The following ARL13B variants were observed in gnomAD, a reference collection of about 807,000 sequenced individuals.
ARL13B encodes ADP-ribosylation factor-like protein 13B.
A neutral mutation model predicts 56.1 loss-of-function variants in ARL13B; 36 were observed. The ratio of observed to expected loss-of-function variants is 0.64; its 90% CI spans 0.49 to 0.85. The LOEUF (loss-of-function observed/expected upper bound fraction) is 0.85, where lower values mean the gene tolerates loss of function less well. ARL13B is among the 40% of genes least tolerant of loss of function. The pLI, the probability that ARL13B is intolerant of heterozygous loss-of-function variation, is 0.00. For missense variants in ARL13B, 519 were observed against 507.1 expected (o/e 1.02, Z -0.23); for synonymous variants, 178 against 171.1 (o/e 1.04, Z -0.32).
At position 94,020,820 on chromosome 3, in the gene ARL13B, CG is replaced by C. The variant is rs1218648060; in HGVS notation, c.381-14509del. The stretch of plus-strand genomic sequence containing the variant: ...ATTTTAAATACTTAATTCAAATAGC[CG>C]GTAATCTTTTGTTTTTGCCACTGAT... On this transcript the variant is annotated intron_variant, in intron 3 of 9. Transcript: ENST00000394222. Among the ~76,000 whole-genome samples, 6 of 152,086 alleles carry C rather than the reference CG, an allele frequency of 3.9e-5. No individual in the cohort carries two copies. The East Asian group carries it at 1.2e-3, about 29-fold the overall frequency.
intron 3 of ARL13B, among the ~76,000 whole-genome samples, chr3:94,015,750 G>T (rs1202548934): frequency 6.6e-6 from 1 of 152,088 alleles, no homozygotes; most frequent in Non-Finnish European, 1.5e-5. Context: ...CCATTGTAGT[G>T]ACAGTACAGA....
chr3:94,039,857 A>T (rs777167372), intron 5 of ARL13B, 23 bp from the exon 6 acceptor site: 1 of 1,607,498 alleles, frequency 6.2e-7, no homozygotes, highest in African/African-American at 1.3e-5. Flanking sequence ...AGGAAATTTC[A>T]ATTATTTTTC....
At chr3:94,010,304 C>T (rs1478707741) in intron 3 of ARL13B, among the ~76,000 whole-genome samples, 1 of 152,018 alleles carries the variant, frequency 6.6e-6, no homozygotes, top group Non-Finnish European at 1.5e-5. Context: ...TCTGTAAATG[C>T]AATGGTGGAT....
At position 93,980,393 on chromosome 3, in the gene ARL13B, G is replaced by A. The variant is rs1282584744; in HGVS notation, c.-31G>A. On this transcript the variant is annotated 5_prime_UTR_variant, in exon 1 of 10. Transcript: ENST00000394222. ...GGGTGCCGGTGTCCGCTCCGGGCTC[G>A]GATGGGAAGTGGTGGGAGGAGCGAC... The A allele has an allele frequency of 1.2e-6, 2 of 1,610,516 alleles. No individual in the cohort carries two copies. Among genetic ancestry groups the A allele is most frequent in the Non-Finnish European group, 1.7e-6 (2 of 1,179,932 alleles).
At chr3:94,012,085 A>C (rs753935100) in intron 3 of ARL13B, among the ~76,000 whole-genome samples, 1 of 151,958 alleles carries the variant, frequency 6.6e-6, no homozygotes, top group African/African-American at 2.4e-5. Flanking sequence ...AGTTTCAGTT[A>C]GTTTCTTTTA....
chr3:94,036,846 C>G, intron 5 of ARL13B, 92 bp downstream of exon 5: 1 of 1,405,744 alleles, frequency 7.1e-7, no homozygotes, highest in Non-Finnish European at 9.8e-7. Context: ...TGTTCAGTTT[C>G]TTCTTTCTGT....
intron 5 of ARL13B, among the ~76,000 whole-genome samples, chr3:94,038,305 C>G (rs2076803940): frequency 6.6e-6 from 1 of 152,028 alleles, no homozygotes; most frequent in African/African-American, 2.4e-5. Context: ...TCAAAAGATC[C>G]AGGTCCAAAG....
At chr3:94,022,415 C>T (rs755918057) in intron 3 of ARL13B, among the ~76,000 whole-genome samples, 33 of 152,058 alleles carry the variant, frequency 2.2e-4, no homozygotes, top group Non-Finnish European at 2.1e-4. Context: ...TGTGAGCCAC[C>T]GCACCCGGCT....
At position 94,049,634 on chromosome 3, in the gene ARL13B, T is replaced by A. The variant is rs535619087; in HGVS notation, c.1141+112T>A. 4.8e-5 allele frequency: 36 copies of A among 748,276 alleles called. No individual in the cohort carries two copies. The African/African-American group carries it at 5.6e-4, about 12-fold the overall frequency. The allele number at this position is 748,276 out of a possible 1,614,324, so 46.4% of individuals were successfully genotyped here. On this transcript the variant is annotated intron_variant, in intron 8 of 9. Coordinates refer to ENST00000394222, the MANE Select transcript of ARL13B (RefSeq NM_001174150.2). ...TTTATTCTGTATATTCATTATCTTG[T>A]ATACTTGTGAAGAAGAATCTTTTAC...
chr3:94,026,475 A>G (rs1362060424), intron 3 of ARL13B, among the ~76,000 whole-genome samples: 1 of 152,178 alleles, frequency 6.6e-6, no homozygotes, highest in Non-Finnish European at 1.5e-5. Flanking sequence ...ATATGTTTAT[A>G]TGCTGTATAT....
chr3:94,044,175 G>A (rs557339598), intron 7 of ARL13B, among the ~76,000 whole-genome samples: 144 of 151,522 alleles, frequency 9.5e-4, no homozygotes, highest in African/African-American at 3.2e-3. Context: ...AGTGTGGAGC[G>A]CCTCTGCCTG....
chr3:94,011,357 G>T (rs906887846), intron 3 of ARL13B, among the ~76,000 whole-genome samples: 1 of 152,098 alleles, frequency 6.6e-6, no homozygotes, highest in Admixed American at 6.5e-5. Context: ...TATCATAACT[G>T]CCTGGTTATC....
rs150449935 is a variant in ARL13B, at chr3:94,036,679, C to A, written c.614C>A (p.Thr205Lys). 42 of 1,613,774 alleles carry A rather than the reference C, an allele frequency of 2.6e-5. 1 individual carries two copies. The South Asian group carries it at 4.1e-4, about 16-fold the overall frequency. The change falls in exon 5 of 10, where the codon ACA (threonine) becomes AAA (lysine). Residue 205 changes from threonine (T) to lysine (K), a missense_variant. Physicochemically the swap from Thr to Lys is moderately conservative, Grantham distance 78. Coordinates refer to ENST00000394222, the MANE Select transcript of ARL13B (RefSeq NM_001174150.2). ...TTAAATGAACGCATCCAAAAAGAGA[C>A]AACAGAGCAGCGTGCTCTTGAGGAA... The part of the protein sequence containing the change: ...DALNERIQKE[T>K]TEQRALEEQE...
rs1417211848 is a variant in ARL13B at position 94,049,440 on chromosome 3, G to A, written c.1059G>A (p.Met353Ile). The change falls in exon 8 of 10, where the codon ATG becomes ATA. Residue 353 changes from methionine to isoleucine, a missense_variant. Physicochemically the swap from Met to Ile is conservative, Grantham distance 10. Transcript: ENST00000394222. ...NGKKKTKKLR[M>I]KRNHRVEPLN... ...AAAAGAAAACTAAGAAACTAAGAAT[G>A]AAAAGGAACCACCGGGTAGAACCAC... The A allele has an allele frequency of 1.2e-6, 2 of 1,609,052 alleles. No homozygotes were observed. The highest frequency in any genetic ancestry group is 1.1e-5 in the South Asian group (1 of 89,582).
At chr3:94,012,478 A>G (rs2076241779) in intron 3 of ARL13B, among the ~76,000 whole-genome samples, 1 of 152,012 alleles carries the variant, frequency 6.6e-6, no homozygotes, top group Non-Finnish European at 1.5e-5. Context: ...TTTTTCCACC[A>G]CCACTATATA....
At chr3:93,988,486 TAAC>T (rs898093908) in intron 1 of ARL13B, 1 of 229,814 alleles carries the variant, frequency 4.4e-6, no homozygotes, top group Non-Finnish European at 8.8e-6. Context: ...AGAAAAAACT[TAAC>T]AATGGAATGA....
chr3:94,011,396 T>A (rs1356041017), intron 3 of ARL13B, among the ~76,000 whole-genome samples: 1 of 152,136 alleles, frequency 6.6e-6, no homozygotes, highest in Non-Finnish European at 1.5e-5. Flanking sequence ...TGTTTGTTGT[T>A]CTCTCAAAAT....
chr3:93,989,107 C>T (rs1430802930), intron 1 of ARL13B, among the ~76,000 whole-genome samples: 4 of 152,156 alleles, frequency 2.6e-5, no homozygotes, highest in African/African-American at 7.2e-5. Context: ...TACCTTGAAA[C>T]CATGAGCATG....
intron 9 of ARL13B, 112 bp from the exon 10 acceptor site, chr3:94,053,075 T>G: frequency 1.2e-6 from 1 of 857,906 alleles, no homozygotes; most frequent in Non-Finnish European, 1.9e-6. Flanking sequence ...TTCTGTAAGT[T>G]TATCTCTTTG....
Sources: gnomAD v4.1 joint callset for allele counts (sites outside exome capture counted in the v4.1 genomes callset) on GRCh38, gnomAD v4.1.1 for gene constraint, MANE v1.5 for transcripts, NCBI Gene and HGNC (gene_info 2026-07-23, HGNC 2026-07-21) for gene names.